The following CYRIB variants were observed in gnomAD, a reference collection of about 807,000 sequenced individuals.
CYRIB encodes CYFIP related Rac1 interactor B, also known as CYFIP-related Rac1 interactor B.
In CYRIB, 8 loss-of-function variants were observed where a neutral mutation model predicts 44.2. The ratio of observed to expected loss-of-function variants is 0.18; its 90% CI spans 0.11 to 0.33. The LOEUF (loss-of-function observed/expected upper bound fraction) is 0.33. Ranked by LOEUF, CYRIB falls within the 10% of genes least tolerant of loss-of-function variation. CYRIB has a pLI of 1.00. For missense variants in CYRIB, 185 were observed against 382.8 expected (o/e 0.48, Z 4.31); for synonymous variants, 131 against 127.2 (o/e 1.03, Z -0.20).
At chr8:130,016,131 C>T (rs1209670646) in intron 1 of CYRIB, among the ~76,000 whole-genome samples, 2 of 148,184 alleles carry the variant, frequency 1.3e-5, no homozygotes, top group African/African-American at 2.4e-5. Flanking sequence ...GCCCCCCGCG[C>T]ACTCGAGGCG....
chr8:129,857,462 T>TAG (rs1367931373), intron 5 of CYRIB, among the ~76,000 whole-genome samples: 1 of 152,050 alleles, frequency 6.6e-6, no homozygotes, highest in Admixed American at 6.6e-5. Context: ...ACCACCAATA[T>TAG]AGGAGCACAG....
At chr8:129,908,947 A>G (rs937164963) in intron 1 of CYRIB, among the ~76,000 whole-genome samples, 1 of 145,388 alleles carries the variant, frequency 6.9e-6, no homozygotes, top group African/African-American at 2.5e-5. Context: ...TTTTATAAAG[A>G]TTTTAAAAAA....
At chr8:130,011,546 G>GCA (rs1243541148) in intron 1 of CYRIB, among the ~76,000 whole-genome samples, 2 of 145,756 alleles carry the variant, frequency 1.4e-5, no homozygotes, top group African/African-American at 2.6e-5. Context: ...GGCTGGGCAT[G>GCA]GTGGCTCACG....
At chr8:129,947,510 C>T (rs2094232705) in intron 2 of CYRIB, among the ~76,000 whole-genome samples, 1 of 152,184 alleles carries the variant, frequency 6.6e-6, no homozygotes, top group South Asian at 2.1e-4. Context: ...GCCATGGTGC[C>T]TGGCCCCTAG....
intron 1 of CYRIB, among the ~76,000 whole-genome samples, chr8:129,934,823 C>G (rs1312432931): frequency 6.6e-6 from 1 of 152,064 alleles, no homozygotes; most frequent in Non-Finnish European, 1.5e-5. Context: ...GCAACTGGAC[C>G]CGTTTAGATT....
chr8:129,949,738 C>T (rs1352564119), intron 2 of CYRIB, among the ~76,000 whole-genome samples: 2 of 151,880 alleles, frequency 1.3e-5, no homozygotes, highest in Middle Eastern at 3.4e-3. Context: ...ATTAGCAGGG[C>T]GTGGTGGTGC....
intron 2 of CYRIB, among the ~76,000 whole-genome samples, chr8:129,889,158 T>C (rs1483492021): frequency 6.6e-6 from 1 of 152,158 alleles, no homozygotes; most frequent in Non-Finnish European, 1.5e-5. Context: ...CTGTGCTCTC[T>C]AAATGGTACA....
intron 1 of CYRIB, among the ~76,000 whole-genome samples, chr8:129,994,392 C>T (rs1403747391): frequency 6.6e-6 from 1 of 152,186 alleles, no homozygotes; most frequent in South Asian, 2.1e-4. Context: ...TCTGTTGAGT[C>T]CCCAGTTTGT....
intron 2 of CYRIB, among the ~76,000 whole-genome samples, chr8:129,891,602 T>C (rs1238165187): frequency 2.6e-5 from 4 of 152,228 alleles, no homozygotes; most frequent in African/African-American, 9.6e-5. Context: ...TCCATATATT[T>C]TAATTTTAGC....
intron 3 of CYRIB, among the ~76,000 whole-genome samples, chr8:129,874,743 A>C (rs2058550500): frequency 2.0e-5 from 3 of 152,196 alleles, no homozygotes; most frequent in African/African-American, 4.8e-5. Context: ...TTGAAAAATA[A>C]ATATAAGAAA....
rs376121430 is a variant in CYRIB, at chr8:129,929,286, AGAGAGG to A, written c.-50+10316_-50+10321del. ...AAAGAGGGAGACACGGGGAGAAGAG[AGAGAGG>A]GAGAGGGAGAGGGAGAGGAAGGGAA... On this transcript the variant is annotated intron_variant, in intron 1 of 11. Coordinates refer to ENST00000519824, the Ensembl canonical transcript of CYRIB. Among the ~76,000 whole-genome samples, 511 of 151,908 alleles carry A rather than the reference AGAGAGG, an allele frequency of 3.4e-3. 1 individual carries two copies. The highest frequency in any genetic ancestry group is 9.9e-3 in the African/African-American group (408 of 41,412).
chr8:129,966,932 T>C (rs746789803), intron 2 of CYRIB, among the ~76,000 whole-genome samples: 2 of 152,106 alleles, frequency 1.3e-5, no homozygotes, highest in Non-Finnish European at 2.9e-5. Context: ...TGAGCTCAAG[T>C]GATCCTCCCA....
At chr8:129,929,317 A>AG (rs2089906120) in intron 1 of CYRIB, among the ~76,000 whole-genome samples, 1 of 152,036 alleles carries the variant, frequency 6.6e-6, no homozygotes, top group South Asian at 2.1e-4. Context: ...GAGGAAGGGA[A>AG]GGGCAGTGTG....
chr8:129,924,999 C>G (rs2137563049), intron 1 of CYRIB, among the ~76,000 whole-genome samples: 1 of 152,254 alleles, frequency 6.6e-6, no homozygotes. Flanking sequence ...CTCAGCCCTA[C>G]ACAGTACAAG....
At chr8:130,008,036 C>T (rs2097143964) in intron 1 of CYRIB, among the ~76,000 whole-genome samples, 1 of 151,894 alleles carries the variant, frequency 6.6e-6, no homozygotes, top group Non-Finnish European at 1.5e-5. Flanking sequence ...TGGTGAAACT[C>T]CATCTCTACT....
intron 1 of CYRIB, among the ~76,000 whole-genome samples, chr8:129,915,138 G>A (rs374002890): frequency 8.5e-5 from 13 of 152,224 alleles, no homozygotes; most frequent in African/African-American, 2.6e-4. Context: ...TTCCATCTAC[G>A]TATTCATCCA....
chr8:129,894,481 T>A (rs1430313892), intron 2 of CYRIB: 1 of 152,230 alleles, frequency 6.6e-6, no homozygotes, highest in African/African-American at 2.4e-5. Flanking sequence ...GCAGCCCCAC[T>A]CCTACCTTTC....
intron 1 of CYRIB, among the ~76,000 whole-genome samples, chr8:129,982,148 C>T (rs1271524699): frequency 6.6e-6 from 1 of 152,164 alleles, no homozygotes; most frequent in Admixed American, 6.5e-5. Flanking sequence ...TCACTGGTAG[C>T]GACATTAACA....
rs138923516 is a variant in CYRIB, at chr8:129,864,058, G to A, written c.196-1724C>T. On this transcript the variant is annotated intron_variant, in intron 4 of 11. Coordinates refer to ENST00000519824, the Ensembl canonical transcript of CYRIB. ...AAAATTGAACCCAGACAGATCTAAC[G>A]GATGCTCTGAACAAATTAGCTGCAA... Among the ~76,000 whole-genome samples, 59 of 152,274 alleles carry A rather than the reference G, an allele frequency of 3.9e-4. 1 individual carries two copies. The highest frequency in any genetic ancestry group is 1.3e-3 in the African/African-American group (55 of 41,550).
Sources: gnomAD v4.1 joint callset for allele counts (sites outside exome capture counted in the v4.1 genomes callset) on GRCh38, gnomAD v4.1.1 for gene constraint, MANE v1.5 for transcripts, NCBI Gene and HGNC (gene_info 2026-07-23, HGNC 2026-07-21) for gene names.